The following SLCO6A1 variants were observed in gnomAD, a reference collection of about 807,000 sequenced individuals.
SLCO6A1 encodes cancer/testis antigen 48.
Under a neutral mutation model 72.7 loss-of-function variants are expected in SLCO6A1, and 65 were observed. That is an observed-to-expected ratio of 0.89 (90% confidence interval 0.73 to 1.10). SLCO6A1 has a LOEUF of 1.10. SLCO6A1 is among the 50% of genes least tolerant of loss of function. SLCO6A1 has a pLI of 0.00. For missense variants in SLCO6A1, 874 were observed against 872.6 expected, an observed-to-expected ratio of 1.00 and a Z score of -0.02; for synonymous variants, 314 against 298.2, an observed-to-expected ratio of 1.05 and a Z score of -0.55.
chr5:102,496,164 T>G (rs149515543), intron 1 of SLCO6A1, among the ~76,000 whole-genome samples: 1 of 152,092 alleles, frequency 6.6e-6, no homozygotes, highest in Non-Finnish European at 1.5e-5. Context: ...TAGTTAGCAG[T>G]AGTGGTGCAC....
intron 12 of SLCO6A1, among the ~76,000 whole-genome samples, chr5:102,374,576 A>G (rs1745673038): frequency 6.6e-6 from 1 of 152,186 alleles, no homozygotes; most frequent in Non-Finnish European, 1.5e-5. Context: ...TACAGTCACA[A>G]TATCAATTAT....
chr5:102,427,845 C>CATATAT (rs1325179314), intron 7 of SLCO6A1, among the ~76,000 whole-genome samples: 1 of 73,800 alleles, frequency 1.4e-5, no homozygotes, highest in Admixed American at 1.6e-4. Context: ...TGTATGTATA[C>CATATAT]ATATATATAT....
At chr5:102,465,536 C>A (rs537709291) in intron 4 of SLCO6A1, among the ~76,000 whole-genome samples, 148 of 152,162 alleles carry the variant, frequency 9.7e-4, no homozygotes, top group African/African-American at 3.4e-3. Context: ...ATCTCAAATT[C>A]TTTGTCTCAA....
intron 1 of SLCO6A1, among the ~76,000 whole-genome samples, chr5:102,497,489 C>T (rs927147610): frequency 1.3e-5 from 2 of 152,226 alleles, no homozygotes; most frequent in Admixed American, 6.5e-5. Context: ...TATCTGGAAG[C>T]CAGGCCCTCA....
At position 102,375,560 on chromosome 5, in the gene SLCO6A1, G is replaced by A. The variant is rs73189400; in HGVS notation, c.2018-2066C>T. On this transcript the variant is annotated intron_variant, in intron 12 of 13. Coordinates refer to ENST00000506729, the MANE Select transcript of SLCO6A1 (RefSeq NM_173488.5). ...CTATTTCCCATTAAAAGTGAAAGCA[G>A]TCAATAAAAACTCAGAGAGTTTCTA... 8.9e-3 allele frequency among the ~76,000 whole-genome samples: 1,360 copies of A among 152,216 alleles called. 22 individuals are homozygous for A. The highest frequency in any genetic ancestry group is 0.031 in the African/African-American group (1,293 of 41,548).
intron 12 of SLCO6A1, among the ~76,000 whole-genome samples, chr5:102,376,242 A>G (rs1745786804): frequency 6.6e-6 from 1 of 152,130 alleles, no homozygotes; most frequent in Admixed American, 6.6e-5. Flanking sequence ...CAAAAATGTA[A>G]AATAATTCAT....
intron 4 of SLCO6A1, among the ~76,000 whole-genome samples, chr5:102,462,342 C>T (rs1015274672): frequency 6.6e-6 from 1 of 152,096 alleles, no homozygotes; most frequent in Non-Finnish European, 1.5e-5. Flanking sequence ...ATGCAATTTC[C>T]ATCAAAGTAC....
At chr5:102,433,144 C>T (rs1749311467) in intron 7 of SLCO6A1, among the ~76,000 whole-genome samples, 1 of 152,148 alleles carries the variant, frequency 6.6e-6, no homozygotes, top group African/African-American at 2.4e-5. Context: ...CTTTTCTATA[C>T]TGGCTACTTT....
At chr5:102,457,285 C>CA (rs202013172) in intron 6 of SLCO6A1, among the ~76,000 whole-genome samples, 95,757 of 150,572 alleles carry the variant, frequency 0.64, 30,650 homozygotes, top group African/African-American at 0.66. Context: ...TTCTCCACAG[C>CA]AAAAGAAACT....
At chr5:102,463,861 G>T (rs1267246373) in intron 4 of SLCO6A1, among the ~76,000 whole-genome samples, 3 of 151,184 alleles carry the variant, frequency 2.0e-5, no homozygotes, top group African/African-American at 4.9e-5. Context: ...ACTCCAGCCT[G>T]GGCGACAAGA....
chr5:102,438,254 G>A (rs938182003), intron 7 of SLCO6A1, among the ~76,000 whole-genome samples: 9 of 151,930 alleles, frequency 5.9e-5, no homozygotes, highest in African/African-American at 1.9e-4. Context: ...GAAAAAATAA[G>A]CTGCAGAAGA....
chr5:102,447,886 G>T (rs1012179144), intron 6 of SLCO6A1, among the ~76,000 whole-genome samples: 2 of 151,706 alleles, frequency 1.3e-5, no homozygotes, highest in Admixed American at 6.6e-5. Flanking sequence ...GTTCAGCTCC[G>T]ATTTTGTTTC....
At chr5:102,381,778 A>T (rs1244651093) in intron 12 of SLCO6A1, among the ~76,000 whole-genome samples, 1 of 140,950 alleles carries the variant, frequency 7.1e-6, no homozygotes, top group Non-Finnish European at 1.5e-5. Context: ...ATGTGAGGTG[A>T]TATCTCATTG....
intron 1 of SLCO6A1, among the ~76,000 whole-genome samples, chr5:102,489,768 C>A (rs60489981): frequency 0.072 from 10,915 of 152,162 alleles, 451 homozygotes; most frequent in African/African-American, 0.1. Flanking sequence ...GAAATAAAAT[C>A]AGTATGTCAA....
chr5:102,422,569 T>G (rs993476305), intron 7 of SLCO6A1, among the ~76,000 whole-genome samples: 3 of 151,840 alleles, frequency 2.0e-5, no homozygotes, highest in Non-Finnish European at 4.4e-5. Context: ...AAGACAAGAT[T>G]AGAGAAAAAA....
chr5:102,438,305 T>C (rs1435381329), intron 7 of SLCO6A1, among the ~76,000 whole-genome samples: 1 of 152,022 alleles, frequency 6.6e-6, no homozygotes, highest in East Asian at 1.9e-4. Context: ...AATAGGTGTA[T>C]ATAGACAAGC....
intron 1 of SLCO6A1, among the ~76,000 whole-genome samples, 172 bp from the exon 2 acceptor site, chr5:102,480,606 A>G (rs748082945): frequency 6.6e-6 from 1 of 152,140 alleles, no homozygotes; most frequent in Non-Finnish European, 1.5e-5. Context: ...ATAGGCCTTA[A>G]CCTCTACAAA....
At chr5:102,443,504 A>G (rs1749953022) in intron 6 of SLCO6A1, among the ~76,000 whole-genome samples, 1 of 152,194 alleles carries the variant, frequency 6.6e-6, no homozygotes, top group Admixed American at 6.5e-5. Flanking sequence ...CTTACTGGAC[A>G]TTGTTCTCAA....
intron 9 of SLCO6A1, among the ~76,000 whole-genome samples, chr5:102,404,452 G>A (rs1046938449): frequency 3.9e-5 from 6 of 152,062 alleles, no homozygotes; most frequent in South Asian, 2.1e-4. Flanking sequence ...CCAAGATCTC[G>A]CCACTGCTGT....
Sources: allele counts gnomAD v4.1 joint callset (sites outside exome capture counted in the v4.1 genomes callset), GRCh38; gene constraint gnomAD v4.1.1; transcripts MANE v1.5; gene names NCBI Gene and HGNC (gene_info 2026-07-23, HGNC 2026-07-21).